Variants in ARHGAP15 observed in about 807,000 individuals in gnomAD.
The protein encoded by ARHGAP15 is rho GTPase-activating protein 15.
A neutral mutation model predicts 63.7 loss-of-function variants in ARHGAP15; 51 were observed. The observed-to-expected ratio is 0.80, with a 90% CI of 0.64 to 1.01. ARHGAP15 has a LOEUF of 1.01. Ranked by LOEUF, ARHGAP15 falls within the 50% of genes least tolerant of loss-of-function variation. The pLI is 0.00. For synonymous variants in ARHGAP15, 191 were observed against 193.8 expected (o/e 0.99, Z 0.12); for missense variants, 560 against 564.6 (o/e 0.99, Z 0.08).
At chr2:143,438,791 A>G (rs192040077) in intron 8 of ARHGAP15, among the ~76,000 whole-genome samples, 5 of 152,270 alleles carry the variant, frequency 3.3e-5, no homozygotes, top group African/African-American at 9.6e-5. Context: ...AGTTGGGAGT[A>G]TATATTTAGT....
intron 6 of ARHGAP15, among the ~76,000 whole-genome samples, chr2:143,273,948 A>G (rs1385437950): frequency 6.6e-6 from 1 of 151,976 alleles, no homozygotes; most frequent in East Asian, 1.9e-4. Context: ...AATTCTAACA[A>G]CTCTTCTGTT....
At chr2:143,378,578 A>G (rs1361558116) in intron 6 of ARHGAP15, among the ~76,000 whole-genome samples, 4 of 152,074 alleles carry the variant, frequency 2.6e-5, no homozygotes, top group African/African-American at 4.8e-5. Flanking sequence ...ACAAAAATCA[A>G]TGGGAACTTT....
intron 12 of ARHGAP15, among the ~76,000 whole-genome samples, chr2:143,648,433 GT>G: frequency 6.6e-6 from 1 of 152,060 alleles, no homozygotes; most frequent in African/African-American, 2.4e-5. Context: ...GCAGAAGATT[GT>G]TTTTATGTCA....
intron 6 of ARHGAP15, among the ~76,000 whole-genome samples, chr2:143,388,630 A>C (rs1687402466): frequency 6.6e-6 from 1 of 152,172 alleles, no homozygotes; most frequent in East Asian, 1.9e-4. Context: ...ACATACATAC[A>C]TATGTGTTTA....
intron 6 of ARHGAP15, chr2:143,314,385 G>C (rs1008249679): frequency 1.1e-4 from 16 of 152,034 alleles, no homozygotes; most frequent in African/African-American, 3.9e-4. Context: ...TTATTTCACT[G>C]TACCAGGGCA....
In ARHGAP15 at chr2:143,201,065, G is replaced by T. The variant is rs186589463; in HGVS notation, c.166-1069G>T. 9.2e-5 allele frequency among the ~76,000 whole-genome samples: 14 copies of T among 151,982 alleles called. No homozygotes were observed. The East Asian group carries it at 2.7e-3, about 29-fold the overall frequency. ...TCTTCTGGGACGTTTGAAGTTTAGG[G>T]GAAACTCAATGGCCAAAAGGCAATC... On this transcript the variant is annotated intron_variant, in intron 2 of 13. Transcript: ENST00000295095.
intron 2 of ARHGAP15, among the ~76,000 whole-genome samples, chr2:143,165,980 A>G (rs565082029): frequency 2.0e-4 from 28 of 136,736 alleles, no homozygotes; most frequent in African/African-American, 7.9e-4. Flanking sequence ...GAAAGAAAGA[A>G]AGAAAGAAAG....
chr2:143,188,395 AT>A (rs1275572596), intron 2 of ARHGAP15, among the ~76,000 whole-genome samples: 10 of 151,856 alleles, frequency 6.6e-5, no homozygotes, highest in Non-Finnish European at 4.4e-5. Flanking sequence ...TTTTCCAAAA[AT>A]ATCAACAAAA....
intron 10 of ARHGAP15, among the ~76,000 whole-genome samples, chr2:143,542,396 T>C (rs544670626): frequency 6.6e-6 from 1 of 152,110 alleles, no homozygotes; most frequent in African/African-American, 2.4e-5. Flanking sequence ...GCAACCACTG[T>C]CCGGCACTCC....
chr2:143,606,012 G>T (rs1451129933), intron 11 of ARHGAP15, among the ~76,000 whole-genome samples: 4 of 113,018 alleles, frequency 3.5e-5, no homozygotes, highest in Non-Finnish European at 5.0e-5. Flanking sequence ...CTCCAACCTG[G>T]GCGCCAGAGC....
intron 13 of ARHGAP15, among the ~76,000 whole-genome samples, chr2:143,763,688 G>A (rs193201866): frequency 5.6e-5 from 8 of 141,664 alleles, no homozygotes; most frequent in African/African-American, 1.4e-4. Flanking sequence ...AATTGCATAT[G>A]TATATGTATG....
intron 11 of ARHGAP15, chr2:143,564,311 A>T (rs898459357): frequency 2.0e-5 from 3 of 152,192 alleles, no homozygotes; most frequent in African/African-American, 7.2e-5. Context: ...CCCACCTTAC[A>T]TCCTAGGGGA....
intron 8 of ARHGAP15, among the ~76,000 whole-genome samples, chr2:143,471,536 AGAAAG>A (rs1310086488): frequency 6.6e-6 from 1 of 152,136 alleles, no homozygotes; most frequent in Non-Finnish European, 1.5e-5. Flanking sequence ...AACACAGAAA[AGAAAG>A]GGGATAGAGG....
chr2:143,342,316 C>T (rs1189239442), intron 6 of ARHGAP15, among the ~76,000 whole-genome samples: 1 of 151,924 alleles, frequency 6.6e-6, no homozygotes, highest in Non-Finnish European at 1.5e-5. Context: ...GTAGGACAGA[C>T]CAGTCTTTAG....
At chr2:143,146,082 T>C (rs774352441) in intron 1 of ARHGAP15, among the ~76,000 whole-genome samples, 36 of 151,892 alleles carry the variant, frequency 2.4e-4, no homozygotes, top group Non-Finnish European at 4.4e-4. Context: ...ATAAAAGCAC[T>C]AATCGTAAAA....
intron 6 of ARHGAP15, among the ~76,000 whole-genome samples, chr2:143,323,990 C>T (rs1171844377): frequency 6.8e-6 from 1 of 146,168 alleles, no homozygotes; most frequent in Non-Finnish European, 1.5e-5. Flanking sequence ...CCTTAAAATG[C>T]TTTATAATTA....
Position 143,670,660 on chromosome 2 carries a change from T to C in ARHGAP15, c.1139-32759T>C, listed in dbSNP as rs145630484. On this transcript the variant is annotated intron_variant, in intron 12 of 13. Coordinates refer to ENST00000295095, the MANE Select transcript of ARHGAP15 (RefSeq NM_018460.4). ...CCCACCCTACCACCTTAGACCAAAT[T>C]TCTTTTTGTACCCCAGTAACATCTA... 1.5e-4 allele frequency among the ~76,000 whole-genome samples: 23 copies of C among 152,266 alleles called. No homozygotes were observed. In the East Asian group the frequency reaches 1.7e-3, roughly 11 times the overall value.
chr2:143,765,795 T>C (rs1316672180), intron 13 of ARHGAP15, among the ~76,000 whole-genome samples: 1 of 152,062 alleles, frequency 6.6e-6, no homozygotes, highest in Non-Finnish European at 1.5e-5. Context: ...GGACCCAGAC[T>C]GCCTGGGCAG....
chr2:143,255,251 A>G (rs887073997), intron 6 of ARHGAP15, among the ~76,000 whole-genome samples: 15 of 152,228 alleles, frequency 9.9e-5, no homozygotes, highest in Non-Finnish European at 1.5e-5. Context: ...ACTAAAGAAG[A>G]GGAAAGTCTG....
Sources: allele counts gnomAD v4.1 joint callset (sites outside exome capture counted in the v4.1 genomes callset), GRCh38; gene constraint gnomAD v4.1.1; transcripts MANE v1.5; gene names NCBI Gene and HGNC (gene_info 2026-07-23, HGNC 2026-07-21).